Variants in ARID2 observed in about 807,000 individuals in gnomAD.
The protein encoded by ARID2 is AT-rich interactive domain-containing protein 2.
Under a neutral mutation model 184.6 loss-of-function variants are expected in ARID2, and 32 were observed. The ratio of observed to expected loss-of-function variants is 0.17; its 90% confidence interval spans 0.13 to 0.23. The LOEUF (loss-of-function observed/expected upper bound fraction) is 0.23. ARID2 is among the 10% of genes least tolerant of loss of function. The pLI is 1.00. For synonymous variants in ARID2, 836 were observed against 772.6 expected (o/e 1.08, Z -1.36); for missense variants, 1,696 against 2,197.6 (o/e 0.77, Z 4.56).
At chr12:45,817,352 C>T (rs1942820597) in intron 4 of ARID2, among the ~76,000 whole-genome samples, 1 of 151,702 alleles carries the variant, frequency 6.6e-6, no homozygotes, top group East Asian at 1.9e-4. Context: ...AGACATGTCT[C>T]AGAAAATAAA....
In ARID2 at chr12:45,852,545, A is replaced by G. The variant is rs1172984002; in HGVS notation, c.4422A>G (p.Thr1474=). ...GTGTAGTTGTCTCACCACATTCTAC[A>G]ACCTCTGTTATACAGGGACATCAAA... is the stretch of plus-strand genomic sequence containing the variant. ...RPSVVVSPHS[T]TSVIQGHQII... Residue 1474 remains threonine (T), a synonymous_variant, in exon 15 of 21, where the codon ACA becomes ACG. Coordinates refer to ENST00000334344, the MANE Select transcript of ARID2 (RefSeq NM_152641.4). 2.5e-6 allele frequency: 4 copies of G among 1,614,156 alleles called. No individual in the cohort carries two copies. The highest frequency in any genetic ancestry group is 3.4e-6 in the Non-Finnish European group (4 of 1,180,014).
intron 4 of ARID2, 92 bp downstream of exon 4, chr12:45,811,643 C>T (rs2138083536): frequency 1.5e-6 from 2 of 1,363,996 alleles, no homozygotes; most frequent in East Asian, 2.5e-5. Context: ...TTCCTTTGCA[C>T]ATGAGAACAC....
At chr12:45,743,015 A>G (rs942696739) in intron 3 of ARID2, among the ~76,000 whole-genome samples, 2 of 152,034 alleles carry the variant, frequency 1.3e-5, no homozygotes, top group African/African-American at 4.8e-5. Flanking sequence ...ATCTCACTAT[A>G]TTTTAATTAT....
At chr12:45,886,275 A>T (rs1232824196) in intron 16 of ARID2, among the ~76,000 whole-genome samples, 1 of 152,152 alleles carries the variant, frequency 6.6e-6, no homozygotes, top group South Asian at 2.1e-4. Flanking sequence ...TTCCAAAATG[A>T]TCTCCTTTGA....
intron 6 of ARID2, among the ~76,000 whole-genome samples, chr12:45,834,171 G>C (rs929139036): frequency 6.6e-6 from 1 of 151,804 alleles, no homozygotes; most frequent in African/African-American, 2.4e-5. Context: ...TACATGTTGG[G>C]TTTTGGTAGG....
At position 45,907,867 on chromosome 12, in the gene ARID2, AATC is replaced by A; in HGVS notation, c.*2792_*2794del. On this transcript the variant is annotated 3_prime_UTR_variant, in exon 21 of 21. Coordinates refer to ENST00000334344, the MANE Select transcript of ARID2 (RefSeq NM_152641.4). ...ATAAATTTTAAGTAACAAAATTGATAATCATATAGCGAAGGCATATTTTTCTTC... is the reference window on the plus strand; with the variant it reads ...ATAAATTTTAAGTAACAAAATTGATAATATAGCGAAGGCATATTTTTCTTC... 1 of 231,986 alleles carries A rather than the reference AATC, an allele frequency of 4.3e-6. No individual in the cohort carries two copies. Among genetic ancestry groups the A allele is most frequent in the Non-Finnish European group, 8.5e-6 (1 of 117,090 alleles). 14.4% of individuals were successfully genotyped at this position (231,986 alleles called of 1,614,324 possible).
At chr12:45,756,907 GA>G (rs1157914555) in intron 3 of ARID2, among the ~76,000 whole-genome samples, 1 of 151,516 alleles carries the variant, frequency 6.6e-6, no homozygotes, top group African/African-American at 2.4e-5. Context: ...TCTAAAAAAA[GA>G]AAAAAAAGAG....
At chr12:45,903,740 T>C (rs1944486545) in intron 20 of ARID2, among the ~76,000 whole-genome samples, 1 of 152,114 alleles carries the variant, frequency 6.6e-6, no homozygotes, top group Non-Finnish European at 1.5e-5. Flanking sequence ...CAGTGTTTTT[T>C]AATTCAAAAT....
intron 3 of ARID2, among the ~76,000 whole-genome samples, chr12:45,750,772 C>T (rs1249985937): frequency 6.6e-6 from 1 of 152,144 alleles, no homozygotes; most frequent in Non-Finnish European, 1.5e-5. Context: ...AGGTACTATG[C>T]TCAGCCTGCT....
At chr12:45,860,724 A>C in intron 15 of ARID2, 77 bp from the exon 16 acceptor site, 1 of 1,237,896 alleles carries the variant, frequency 8.1e-7, no homozygotes. Flanking sequence ...AACATAATCA[A>C]ATTTATAAGA....
At position 45,745,803 on chromosome 12, in the gene ARID2, C is replaced by G. The variant is rs185558462; in HGVS notation, c.284+14489C>G. On this transcript the variant is annotated intron_variant, in intron 3 of 20. Coordinates refer to ENST00000334344, the MANE Select transcript of ARID2 (RefSeq NM_152641.4). The stretch of plus-strand genomic sequence containing the variant: ...GCCTCAAGTGATCTGCCCGCCTTGG[C>G]CTCCCAAAGTGCTGGGATTACAGGC... Among the ~76,000 whole-genome samples the G allele has an allele frequency of 3.3e-4, 50 of 152,226 alleles. 1 individual carries two copies. Among genetic ancestry groups the G allele is most frequent in the African/African-American group, 1.2e-3 (49 of 41,538 alleles).
intron 3 of ARID2, among the ~76,000 whole-genome samples, chr12:45,778,050 AC>A (rs1942017941): frequency 6.6e-6 from 1 of 152,038 alleles, no homozygotes; most frequent in Non-Finnish European, 1.5e-5. Flanking sequence ...TACTAAAAAT[AC>A]AAAAATTAGC....
chr12:45,779,868 T>C (rs1314303674), intron 3 of ARID2, among the ~76,000 whole-genome samples: 1 of 152,144 alleles, frequency 6.6e-6, no homozygotes, highest in Non-Finnish European at 1.5e-5. Context: ...ATGGCTGTTA[T>C]AATGTAGGAA....
chr12:45,857,048 TTAACA>T (rs1384835576), intron 15 of ARID2, among the ~76,000 whole-genome samples: 3 of 152,152 alleles, frequency 2.0e-5, no homozygotes, highest in Non-Finnish European at 4.4e-5. Context: ...ATACAAAAAC[TTAACA>T]TAAGACTTGG....
intron 16 of ARID2, among the ~76,000 whole-genome samples, chr12:45,870,918 A>G (rs1943916847): frequency 6.6e-6 from 1 of 152,154 alleles, no homozygotes; most frequent in African/African-American, 2.4e-5. Flanking sequence ...TGTTATAAAC[A>G]TTTATGTGTA....
intron 16 of ARID2, among the ~76,000 whole-genome samples, chr12:45,885,603 A>G (rs971996454): frequency 1.3e-5 from 2 of 152,216 alleles, no homozygotes; most frequent in African/African-American, 4.8e-5. Flanking sequence ...TTATGCTGCT[A>G]TAAAGAACTG....
chr12:45,732,736 A>G (rs985317437), intron 3 of ARID2, among the ~76,000 whole-genome samples: 2 of 152,150 alleles, frequency 1.3e-5, no homozygotes, highest in African/African-American at 4.8e-5. Flanking sequence ...TGAAATACAT[A>G]TTTTTGAAGT....
At chr12:45,808,302 C>T (rs981789329) in intron 3 of ARID2, among the ~76,000 whole-genome samples, 3 of 152,182 alleles carry the variant, frequency 2.0e-5, no homozygotes, top group African/African-American at 7.2e-5. Context: ...ACCAAACAAA[C>T]TGACCTTGTG....
chr12:45,889,499 C>G (rs1356130072), intron 16 of ARID2, among the ~76,000 whole-genome samples: 1 of 152,184 alleles, frequency 6.6e-6, no homozygotes, highest in African/African-American at 2.4e-5. Context: ...CTAGACATGA[C>G]AGTAAATGGT....
Sources: gnomAD v4.1 joint callset for allele counts (sites outside exome capture counted in the v4.1 genomes callset) on GRCh38, gnomAD v4.1.1 for gene constraint, MANE v1.5 for transcripts, NCBI Gene and HGNC (gene_info 2026-07-23, HGNC 2026-07-21) for gene names.